The following GRIN2A variants were observed in gnomAD, a reference collection of about 807,000 sequenced individuals.
GRIN2A encodes glutamate receptor ionotropic, NMDA 2A.
In GRIN2A, 22 loss-of-function variants were observed where a neutral mutation model predicts 113.4. The ratio of observed to expected loss-of-function variants is 0.19; its 90% CI spans 0.14 to 0.28. The LOEUF (loss-of-function observed/expected upper bound fraction) is 0.28, where lower values mean the gene tolerates loss of function less well. Ranked by LOEUF, GRIN2A falls within the 10% of genes least tolerant of loss-of-function variation. The pLI is 1.00. For synonymous variants in GRIN2A, 827 were observed against 738.4 expected, an observed-to-expected ratio of 1.12 and a Z score of -1.94; for missense variants, 1,502 against 1,887.0, an observed-to-expected ratio of 0.80 and a Z score of 3.78.
In GRIN2A at chr16:9,753,870, T is replaced by G. The variant is rs902519527; in HGVS notation, c.*9279A>C. On this transcript the variant is annotated 3_prime_UTR_variant, in exon 13 of 13. Transcript: ENST00000330684. Reference sequence around the variant, plus strand: ...ATGTGGGTTTTGGATTCTGTTTGAATGTAGCTGTGAATAGAAACCCTCTGC... The same window carrying G: ...ATGTGGGTTTTGGATTCTGTTTGAAGGTAGCTGTGAATAGAAACCCTCTGC... 4 of 178,788 alleles carry G rather than the reference T, an allele frequency of 2.2e-5. No homozygotes were observed. Among genetic ancestry groups the G allele is most frequent in the African/African-American group, 7.1e-5 (3 of 42,308 alleles). The allele number at this position is 178,788 out of a possible 1,614,324, so 11.1% of individuals were successfully genotyped here. A position where few individuals can be genotyped will look rare whatever the true frequency, so the allele number is the denominator to read the frequency against.
At chr16:9,879,803 G>A (rs1394415652) in intron 4 of GRIN2A, among the ~76,000 whole-genome samples, 1 of 152,172 alleles carries the variant, frequency 6.6e-6, no homozygotes, top group African/African-American at 2.4e-5. Context: ...AGGATTAAAT[G>A]TATGCTTAAA....
At chr16:10,097,066 C>A (rs537304974) in intron 2 of GRIN2A, among the ~76,000 whole-genome samples, 1 of 152,304 alleles carries the variant, frequency 6.6e-6, no homozygotes, top group South Asian at 2.1e-4. Flanking sequence ...TTCAACTCTT[C>A]TGAAAACATC....
At chr16:10,142,741 C>T (rs2049352843) in intron 2 of GRIN2A, among the ~76,000 whole-genome samples, 1 of 152,072 alleles carries the variant, frequency 6.6e-6, no homozygotes, top group African/African-American at 2.4e-5. Flanking sequence ...ACACCCTAAC[C>T]CTCTCCCATT....
At chr16:9,939,526 G>A (rs2044807152) in intron 2 of GRIN2A, among the ~76,000 whole-genome samples, 1 of 152,168 alleles carries the variant, frequency 6.6e-6, no homozygotes, top group Non-Finnish European at 1.5e-5. Context: ...ACGATTGTGA[G>A]AACAAATTTC....
At chr16:10,024,890 C>G (rs1399820028) in intron 2 of GRIN2A, among the ~76,000 whole-genome samples, 2 of 151,890 alleles carry the variant, frequency 1.3e-5, no homozygotes, top group African/African-American at 4.8e-5. Context: ...ATTTTTTGAG[C>G]AAATAAAATA....
At chr16:10,004,072 G>T (rs2046365370) in intron 2 of GRIN2A, among the ~76,000 whole-genome samples, 1 of 152,046 alleles carries the variant, frequency 6.6e-6, no homozygotes, top group Non-Finnish European at 1.5e-5. Flanking sequence ...AAGTTTCACG[G>T]AGAGGGTTGA....
intron 2 of GRIN2A, among the ~76,000 whole-genome samples, chr16:10,071,805 A>G (rs2142032475): frequency 6.6e-6 from 1 of 152,340 alleles, no homozygotes; most frequent in African/African-American, 2.4e-5. Flanking sequence ...GGAGAAGTGG[A>G]CGGGAGCCGA....
At chr16:9,950,655 C>T (rs2045157712) in intron 2 of GRIN2A, among the ~76,000 whole-genome samples, 1 of 152,150 alleles carries the variant, frequency 6.6e-6, no homozygotes, top group Non-Finnish European at 1.5e-5. Flanking sequence ...GAGCAGAGTC[C>T]CAGCCAAATC....
At chr16:10,089,231 G>A (rs1416050484) in intron 2 of GRIN2A, among the ~76,000 whole-genome samples, 2 of 152,150 alleles carry the variant, frequency 1.3e-5, no homozygotes, top group Admixed American at 6.5e-5. Context: ...CTACGAAGCT[G>A]ATGATCCCCG....
At chr16:9,915,193 C>G in intron 3 of GRIN2A, among the ~76,000 whole-genome samples, 1 of 151,716 alleles carries the variant, frequency 6.6e-6, no homozygotes. Flanking sequence ...GCCTCAGCCT[C>G]CGAAAGTGCT....
intron 2 of GRIN2A, among the ~76,000 whole-genome samples, chr16:9,999,268 A>T (rs1360196036): frequency 6.6e-6 from 1 of 152,174 alleles, no homozygotes; most frequent in African/African-American, 2.4e-5. Context: ...TTAACTCAAG[A>T]AGTGACCTTG....
At chr16:10,061,712 A>G (rs998704837) in intron 2 of GRIN2A, among the ~76,000 whole-genome samples, 3 of 152,220 alleles carry the variant, frequency 2.0e-5, no homozygotes, top group African/African-American at 7.2e-5. Context: ...AAGGCAACAA[A>G]AAAGTCACAG....
chr16:9,980,954 G>A (rs967249601), intron 2 of GRIN2A, among the ~76,000 whole-genome samples: 11 of 150,888 alleles, frequency 7.3e-5, no homozygotes, highest in South Asian at 4.2e-4. Context: ...AAACCTGCAC[G>A]TTGTGCACAT....
rs371495296 is a variant in GRIN2A, at chr16:9,959,233, C to A, written c.415-20682G>T. Among the ~76,000 whole-genome samples the A allele has an allele frequency of 3.9e-5, 6 of 152,324 alleles. No homozygotes were observed. The South Asian group carries it at 6.2e-4, about 16-fold the overall frequency. On this transcript the variant is annotated intron_variant, in intron 2 of 12. Transcript: ENST00000330684. Reference sequence around the variant, plus strand: ...CCTGAAATCAGCCTCAAATGATTCACAGCCCTCTTGAAAACATCTCCAATC... The same window carrying A: ...CCTGAAATCAGCCTCAAATGATTCAAAGCCCTCTTGAAAACATCTCCAATC...
chr16:9,932,759 T>C (rs1239242878), intron 3 of GRIN2A, among the ~76,000 whole-genome samples: 1 of 152,086 alleles, frequency 6.6e-6, no homozygotes, highest in Non-Finnish European at 1.5e-5. Context: ...CACACACTGG[T>C]CTAAGATGCA....
At chr16:10,062,926 T>C (rs1199973786) in intron 2 of GRIN2A, among the ~76,000 whole-genome samples, 1 of 151,496 alleles carries the variant, frequency 6.6e-6, no homozygotes, top group Non-Finnish European at 1.5e-5. Flanking sequence ...CATGCACTCA[T>C]ATGTTCGCTG....
chr16:9,757,228 G>C lies in GRIN2A; in HGVS notation c.*5921C>G. The C allele has an allele frequency of 9.1e-6, 2 of 219,872 alleles. No homozygotes were observed. The highest frequency in any genetic ancestry group is 1.8e-5 in the Non-Finnish European group (2 of 109,584). The allele number at this position is 219,872 out of a possible 1,614,324, so 13.6% of individuals were successfully genotyped here. A position where few individuals can be genotyped will look rare whatever the true frequency, so the allele number is the denominator to read the frequency against. ...CCTTCCTGTGCAAAAATGTAGGAGT[G>C]TGAGTGTGTTCACCTGGTTAGCAGC... On this transcript the variant is annotated 3_prime_UTR_variant, in exon 13 of 13. Transcript: ENST00000330684.
rs529600259 is a variant in GRIN2A at position 9,866,914 on chromosome 16, T to C, written c.1123-16953A>G. 5.9e-5 allele frequency among the ~76,000 whole-genome samples: 9 copies of C among 152,294 alleles called. No homozygotes were observed. In the South Asian group the frequency reaches 1.2e-3, roughly 21 times the overall value. ...TGGGGGAAATTCACTTAGAACTGCT[T>C]GACTCAAATGACTCTGAATTCAGAA... On this transcript the variant is annotated intron_variant, in intron 4 of 12. Transcript: ENST00000330684.
intron 2 of GRIN2A, chr16:10,179,714 C>A: frequency 2.0e-6 from 1 of 501,512 alleles, no homozygotes; most frequent in South Asian, 2.1e-5. Context: ...GCCACCACCA[C>A]CACCCCACAG....
Sources: allele counts gnomAD v4.1 joint callset (sites outside exome capture counted in the v4.1 genomes callset), GRCh38; gene constraint gnomAD v4.1.1; transcripts MANE v1.5; gene names NCBI Gene and HGNC (gene_info 2026-07-23, HGNC 2026-07-21).